Variants in UEVLD observed in about 807,000 individuals in gnomAD.
UEVLD encodes the protein UEV and lactate/malate dehyrogenase domains, also known as ubiquitin-conjugating enzyme E2 variant 3.
In UEVLD, 47 loss-of-function variants were observed where a neutral mutation model predicts 58.6. The observed-to-expected ratio is 0.80, with a 90% CI of 0.63 to 1.02. The LOEUF is 1.02. Among genes scored for constraint, UEVLD ranks in the 50% least tolerant of loss-of-function variants. UEVLD has a pLI of 0.00. For missense variants in UEVLD, 510 were observed against 550.6 expected, an observed-to-expected ratio of 0.93 and a Z score of 0.74; for synonymous variants, 197 against 195.3, an observed-to-expected ratio of 1.01 and a Z score of -0.07.
chr11:18,574,998 G>C (rs555501688), intron 3 of UEVLD, among the ~76,000 whole-genome samples: 1 of 152,280 alleles, frequency 6.6e-6, no homozygotes, highest in African/African-American at 2.4e-5. Flanking sequence ...TGATAATCCA[G>C]GAGCTACCAC....
intron 7 of UEVLD, among the ~76,000 whole-genome samples, chr11:18,556,263 G>A (rs16935543): frequency 0.053 from 8,129 of 152,244 alleles, 244 homozygotes; most frequent in Non-Finnish European, 0.065. Context: ...AAGAACTTCA[G>A]TACCTGAAAA....
At chr11:18,552,585 G>A (rs1268116446) in intron 7 of UEVLD, among the ~76,000 whole-genome samples, 1 of 151,946 alleles carries the variant, frequency 6.6e-6, no homozygotes, top group Non-Finnish European at 1.5e-5. Context: ...AATTAGGCTG[G>A]TCACGGTGGC....
chr11:18,585,848 T>C (rs953305772), intron 1 of UEVLD, among the ~76,000 whole-genome samples: 15 of 152,168 alleles, frequency 9.9e-5, no homozygotes, highest in African/African-American at 3.6e-4. Flanking sequence ...TTGGCCAGGC[T>C]GCTCTTGAAC....
rs199616488 is a variant in UEVLD, at chr11:18,546,904, C to T, written c.862G>A (p.Val288Ile). 6.2e-6 allele frequency: 10 copies of T among 1,613,828 alleles called. No homozygotes were observed. The East Asian group carries it at 1.6e-4, about 25-fold the overall frequency. Residue 288 changes from valine to isoleucine, a missense_variant, in exon 8 of 12, where the codon GTC (valine) becomes ATC (isoleucine). By Grantham distance (29) the Val-to-Ile change is conservative. Coordinates refer to ENST00000396197, the MANE Select transcript of UEVLD (RefSeq NM_001040697.4). ...PALGHYSQHS[V>I]LLVASQPVEI... ...CCTGGTTGAGATGCAACGAGCAGGA[C>T]ACTGTGTTGACTATAATGTCCCAGA...
chr11:18,578,653 T>G (rs990796655), intron 2 of UEVLD, 71 bp downstream of exon 2: 2 of 1,038,744 alleles, frequency 1.9e-6, no homozygotes, highest in Admixed American at 4.4e-5. Context: ...ATTACAATTT[T>G]GCAGCTCTTT....
rs1223765629 is a variant in UEVLD, at chr11:18,555,602, A to G, written c.715+2626T>C. Among the ~76,000 whole-genome samples, 5 of 152,184 alleles carry G rather than the reference A, an allele frequency of 3.3e-5. No homozygotes were observed. The East Asian group carries it at 7.7e-4, about 24-fold the overall frequency. On this transcript the variant is annotated intron_variant, in intron 7 of 11. Transcript: ENST00000396197. ...GACACTGTCTAAAAAAAATAAACAA[A>G]TGAATAAATAAAATTACTTCATCTA...
intron 1 of UEVLD, among the ~76,000 whole-genome samples, chr11:18,588,351 G>A (rs1285195438): frequency 2.0e-5 from 3 of 152,182 alleles, no homozygotes; most frequent in Non-Finnish European, 4.4e-5. Context: ...GCTGGGAGCT[G>A]TTTGAGGTCA....
intron 1 of UEVLD, among the ~76,000 whole-genome samples, chr11:18,581,453 G>A (rs1483436602): frequency 6.6e-6 from 1 of 152,124 alleles, no homozygotes; most frequent in Admixed American, 6.5e-5. Context: ...GGAGGCCAAG[G>A]CAGGCAAATC....
At chr11:18,547,189 A>G (rs1159483422) in intron 7 of UEVLD, 139 bp from the exon 8 acceptor site, 1 of 818,280 alleles carries the variant, frequency 1.2e-6, no homozygotes, top group East Asian at 2.8e-5. Flanking sequence ...CAGATCCACA[A>G]AAGCATATAA....
rs1850613575 is a variant in UEVLD, at chr11:18,532,575, A to G, written c.1249-88T>C. The G allele has an allele frequency of 4.4e-6, 5 of 1,148,046 alleles. No homozygotes were observed. In the African/African-American group the frequency reaches 6.5e-5, roughly 15 times the overall value. 71.1% of individuals were successfully genotyped at this position (1,148,046 alleles called of 1,614,324 possible). On this transcript the variant is annotated intron_variant, in intron 11 of 11. Transcript: ENST00000396197. ...TGCATACTTTCTTGCTTTCTTAACTAGGACAAAGTGATACAAGTTGGACTT... is the reference window on the plus strand; with the variant it reads ...TGCATACTTTCTTGCTTTCTTAACTGGGACAAAGTGATACAAGTTGGACTT...
At chr11:18,560,138 C>CACACACACACACACACACACAGAGAG (rs368897951) in intron 6 of UEVLD, among the ~76,000 whole-genome samples, 2 of 74,814 alleles carry the variant, frequency 2.7e-5, no homozygotes, top group Non-Finnish European at 5.1e-5. Flanking sequence ...CACACACACA[C>CACACACACACACACACACACAGAGAG]AGAGAGAGAA....
Position 18,558,293 on chromosome 11 carries a change from T to C in UEVLD, c.650A>G (p.Glu217Gly). The C allele has an allele frequency of 6.2e-6, 10 of 1,613,400 alleles. No homozygotes were observed. The highest frequency in any genetic ancestry group is 8.5e-6 in the Non-Finnish European group (10 of 1,179,730). The change falls in exon 7 of 12, where the codon GAA becomes GGA. Residue 217 changes from glutamate (E) to glycine (G), a missense_variant. Transcript: ENST00000396197. ...GTCCATCGTGGCTCCTTTAGTCCCT[T>C]CTGAGAGGTCTAAGAGGACAAGCCT... ...ADRLVLLDLS[E>G]GTKGATMDLE...
Position 18,547,025 on chromosome 11 carries a change from C to T in UEVLD, c.741G>A (p.Lys247=), listed in dbSNP as rs1230324442. ...SKDLSASAHS[K]VVIFTVNSLG... ...AAGAGTTGACTGTGAAGATCACCAC[C>T]TTGGAATGAGCAGAGGCAGACAAAT... The change falls in exon 8 of 12, where the codon AAG becomes AAA. Residue 247 remains lysine (K), a synonymous_variant. Transcript: ENST00000396197. 1.5e-5 allele frequency: 25 copies of T among 1,613,428 alleles called. No individual in the cohort carries two copies. Among genetic ancestry groups the T allele is most frequent in the Non-Finnish European group, 1.9e-5 (22 of 1,179,904 alleles).
At position 18,568,270 on chromosome 11, in the gene UEVLD, TAAAC is replaced by T. The variant is rs1280299538; in HGVS notation, c.358-1792_358-1789del. On this transcript the variant is annotated intron_variant, in intron 4 of 11. Coordinates refer to ENST00000396197, the MANE Select transcript of UEVLD (RefSeq NM_001040697.4). ...TATAAGACTATCCCCGAGGATTTAT[TAAAC>T]AAACAAAATTATGAAAAGAGATGCC... 2.6e-5 allele frequency among the ~76,000 whole-genome samples: 4 copies of T among 152,220 alleles called. No individual in the cohort carries two copies. The East Asian group carries it at 5.8e-4, about 22-fold the overall frequency.
chr11:18,563,013 G>A (rs929580580), intron 6 of UEVLD, among the ~76,000 whole-genome samples: 31 of 151,068 alleles, frequency 2.1e-4, no homozygotes, highest in Non-Finnish European at 1.0e-4. Flanking sequence ...ACCAGTGCAT[G>A]CCAACTTGGG....
chr11:18,545,646 T>C (rs1356436093), intron 8 of UEVLD, among the ~76,000 whole-genome samples: 1 of 151,400 alleles, frequency 6.6e-6, no homozygotes, highest in Non-Finnish European at 1.5e-5. Flanking sequence ...GGTTTCACCA[T>C]GTTGGCCAGG....
rs1161168217 is a variant in UEVLD, at chr11:18,530,475, A to G, written c.*1845T>C. The G allele has an allele frequency of 6.6e-6, 1 of 152,156 alleles. No individual in the cohort carries two copies. Among genetic ancestry groups the G allele is most frequent in the African/African-American group, 2.4e-5 (1 of 41,440 alleles). The allele number at this position is 152,156 out of a possible 1,614,324, so 9.4% of individuals were successfully genotyped here. A position where few individuals can be genotyped will look rare whatever the true frequency, so the allele number is the denominator to read the frequency against. Reference sequence around the variant, plus strand: ...ACACTAAAACAGCATTAGTTTGCCTATTTCCTCTTTACTAGGATGTGTCTG... The same window carrying G: ...ACACTAAAACAGCATTAGTTTGCCTGTTTCCTCTTTACTAGGATGTGTCTG... On this transcript the variant is annotated 3_prime_UTR_variant, in exon 12 of 12. Coordinates refer to ENST00000396197, the MANE Select transcript of UEVLD (RefSeq NM_001040697.4).
chr11:18,582,065 T>C (rs1853267845), intron 1 of UEVLD, among the ~76,000 whole-genome samples: 1 of 150,024 alleles, frequency 6.7e-6, no homozygotes, highest in Non-Finnish European at 1.5e-5. Context: ...CTCCAAACAC[T>C]ACACAAATGT....
chr11:18,541,420 T>A (rs1851048183), intron 9 of UEVLD, among the ~76,000 whole-genome samples: 1 of 152,238 alleles, frequency 6.6e-6, no homozygotes, highest in South Asian at 2.1e-4. Flanking sequence ...AAGAGACTGA[T>A]AACTGTGATT....
Sources: allele counts gnomAD v4.1 joint callset (sites outside exome capture counted in the v4.1 genomes callset), GRCh38; gene constraint gnomAD v4.1.1; transcripts MANE v1.5; gene names NCBI Gene and HGNC (gene_info 2026-07-23, HGNC 2026-07-21).